PACRGL: variants seen among roughly 807,000 people sequenced by gnomAD.
The protein encoded by PACRGL is parkin coregulated like.
Under a neutral mutation model 34.5 loss-of-function variants are expected in PACRGL, and 38 were observed. That is an observed-to-expected ratio of 1.10 (90% CI 0.85 to 1.44). PACRGL has a LOEUF of 1.44. Ranked by LOEUF, PACRGL falls within the 40% of genes most tolerant of loss-of-function variation. PACRGL has a pLI of 0.00. For missense variants in PACRGL, 305 were observed against 281.4 expected (o/e 1.08, Z -0.60); for synonymous variants, 128 against 100.1 (o/e 1.28, Z -1.66).
intron 8 of PACRGL, among the ~76,000 whole-genome samples, chr4:20,739,027 G>C (rs943892814): frequency 1.3e-5 from 2 of 152,212 alleles, no homozygotes; most frequent in African/African-American, 4.8e-5. Flanking sequence ...CAAGGCAACA[G>C]TGAGGCTGAG....
intron 8 of PACRGL, among the ~76,000 whole-genome samples, chr4:20,726,806 T>C (rs1027101399): frequency 2.0e-5 from 3 of 152,192 alleles, no homozygotes; most frequent in African/African-American, 7.2e-5. Context: ...TGATTTTTTT[T>C]CTAAGTGAAA....
downstream of PACRGL, among the ~76,000 whole-genome samples, chr4:20,736,380 C>G (rs1393168861): frequency 2.0e-5 from 3 of 151,822 alleles, no homozygotes; most frequent in African/African-American, 4.8e-5. Flanking sequence ...ATTTCTGTTG[C>G]TGTTGTAAAT....
downstream of PACRGL, among the ~76,000 whole-genome samples, chr4:20,737,200 C>T (rs1749821875): frequency 6.6e-6 from 1 of 152,092 alleles, no homozygotes; most frequent in Non-Finnish European, 1.5e-5. Flanking sequence ...TTGGCAGGTA[C>T]AGAGAGGAGA....
chr4:20,756,198 T>C (rs1578543738), downstream of PACRGL, among the ~76,000 whole-genome samples: 1 of 150,420 alleles, frequency 6.6e-6, no homozygotes, highest in South Asian at 2.1e-4. Flanking sequence ...GTTGGCAAGG[T>C]CAATGGCAAA....
rs1030139950 is a variant in PACRGL at position 20,709,748 on chromosome 4, A to G, written c.341A>G (p.Asp114Gly). Residue 114 changes from aspartate to glycine, a missense_variant, in exon 5 of 9, where the codon GAT (aspartate) becomes GGT (glycine). By Grantham distance (94) the Asp-to-Gly change is moderately conservative. Transcript: ENST00000503585. ...WECPPESLSFDPLLITLAEGL... is the reference protein window; with the variant it reads ...WECPPESLSFGPLLITLAEGL... ...TGTCCTCCTGAAAGTCTTTCATTTG[A>G]TCCACTTCTTATTACTTTAGCTGAG... The G allele has an allele frequency of 1.9e-6, 3 of 1,606,530 alleles. No individual in the cohort carries two copies. The highest frequency in any genetic ancestry group is 2.6e-6 in the Non-Finnish European group (3 of 1,173,786).
chr4:20,751,042 C>T (rs1753525604), intron 8 of PACRGL, among the ~76,000 whole-genome samples: 1 of 152,176 alleles, frequency 6.6e-6, no homozygotes, highest in Non-Finnish European at 1.5e-5. Flanking sequence ...GGCCTCCTTA[C>T]AGGTTGTTTT....
In PACRGL at chr4:20,704,449, T is replaced by G; in HGVS notation, c.-16-17T>G. On this transcript the variant is annotated splice_polypyrimidine_tract_variant and intron_variant, in intron 1 of 8. Coordinates refer to ENST00000503585, the MANE Select transcript of PACRGL (RefSeq NM_001258345.3). ...CAAACAAATTTTGAAATCAACTTTT[T>G]TTTTTTTAAACTGCAGGAGTGAAAG... is the stretch of plus-strand genomic sequence containing the variant. The G allele has an allele frequency of 6.2e-7, 1 of 1,606,996 alleles. No individual in the cohort carries two copies. Among genetic ancestry groups the G allele is most frequent in the Non-Finnish European group, 8.5e-7 (1 of 1,177,994 alleles).
chr4:20,739,454 G>T (rs1185509377), intron 8 of PACRGL, among the ~76,000 whole-genome samples: 1 of 152,312 alleles, frequency 6.6e-6, no homozygotes, highest in Non-Finnish European at 1.5e-5. Flanking sequence ...GGCAAACAGG[G>T]TCTGGAGTGG....
chr4:20,739,354 T>C (rs952892370), intron 8 of PACRGL, among the ~76,000 whole-genome samples: 3 of 152,112 alleles, frequency 2.0e-5, no homozygotes, highest in African/African-American at 7.2e-5. Flanking sequence ...TGACACCTCA[T>C]ACAGCCAGGT....
chr4:20,714,186 A>G (rs183792935), intron 7 of PACRGL, among the ~76,000 whole-genome samples: 69 of 152,194 alleles, frequency 4.5e-4, no homozygotes, highest in Non-Finnish European at 7.2e-4. Context: ...GTGCTCCTGT[A>G]TTGGGTGCAT....
chr4:20,710,153 A>G (rs1736473985), intron 5 of PACRGL, among the ~76,000 whole-genome samples: 1 of 152,140 alleles, frequency 6.6e-6, no homozygotes. Flanking sequence ...TGTACAACCA[A>G]TCGTGTTGAC....
intron 4 of PACRGL, among the ~76,000 whole-genome samples, chr4:20,708,625 T>C (rs2149074220): frequency 6.6e-6 from 1 of 152,184 alleles, no homozygotes; most frequent in Admixed American, 6.5e-5. Flanking sequence ...CCAAAACTTA[T>C]TGTTGCAAAA....
the PACRGL span, among the ~76,000 whole-genome samples, chr4:20,757,969 C>T: frequency 6.6e-6 from 1 of 152,112 alleles, no homozygotes; most frequent in Non-Finnish European, 1.5e-5. Flanking sequence ...TTTTAACTCC[C>T]ATAATCACAG....
In PACRGL at chr4:20,730,222, C is replaced by T; in HGVS notation, c.*2881C>T. ...CTGAGTATTGCCTCCTCCCATCAAC[C>T]ACCTCAACCACCTATGCCAAAAGCT... On this transcript the variant is annotated 3_prime_UTR_variant, in exon 9 of 9. Coordinates refer to ENST00000503585, the MANE Select transcript of PACRGL (RefSeq NM_001258345.3). The T allele has an allele frequency of 1.4e-6, 2 of 1,397,970 alleles. No individual in the cohort carries two copies. The highest frequency in any genetic ancestry group is 5.1e-5 in the East Asian group (2 of 39,570). The allele number at this position is 1,397,970 out of a possible 1,614,324, so 86.6% of individuals were successfully genotyped here.
At chr4:20,750,667 G>A (rs959599973) in intron 8 of PACRGL, among the ~76,000 whole-genome samples, 2 of 151,604 alleles carry the variant, frequency 1.3e-5, no homozygotes, top group Non-Finnish European at 2.9e-5. Flanking sequence ...ATTGTTTTCT[G>A]TTCTGAGTGC....
chr4:20,709,715 A>C lies in PACRGL; in HGVS notation c.308A>C (p.Gln103Pro). ...LVHGSVKHRL[Q>P]WECPPESLSF... Reference sequence around the variant, plus strand: ...CATGGTTCAGTAAAACACAGATTACAGTGGGAATGTCCTCCTGAAAGTCTT... The same window carrying C: ...CATGGTTCAGTAAAACACAGATTACCGTGGGAATGTCCTCCTGAAAGTCTT... The change falls in exon 5 of 9, where the codon CAG becomes CCG. Residue 103 changes from glutamine to proline, a missense_variant. Gln to Pro is a moderately conservative substitution (Grantham distance 76). Transcript: ENST00000503585. 2 of 1,610,192 alleles carry C rather than the reference A, an allele frequency of 1.2e-6. No homozygotes were observed. Among genetic ancestry groups the C allele is most frequent in the Non-Finnish European group, 1.7e-6 (2 of 1,177,044 alleles).
chr4:20,757,576 A>G (rs1166618260), downstream of PACRGL, among the ~76,000 whole-genome samples: 2 of 152,216 alleles, frequency 1.3e-5, no homozygotes, highest in Admixed American at 6.5e-5. Flanking sequence ...GCAAATGCCC[A>G]TCTTCAGTTC....
In PACRGL at chr4:20,712,811, A is replaced by G. The variant is rs1737945053; in HGVS notation, c.390A>G (p.Pro130=). The change falls in exon 6 of 9, where the codon CCA becomes CCG. Residue 130 remains proline (P), a synonymous_variant. Coordinates refer to ENST00000503585, the MANE Select transcript of PACRGL (RefSeq NM_001258345.3). ...AGGGTCTGAGAGAGACTAAGCATCC[A>G]TACACTTTTGTGTCAAAGGAGGGTT... The part of the protein sequence containing the change: ...LAEGLRETKH[P]YTFVSKEGFR... 6.3e-7 allele frequency: 1 copy of G among 1,590,666 alleles called. No homozygotes were observed. The highest frequency in any genetic ancestry group is 8.6e-7 in the Non-Finnish European group (1 of 1,166,540).
the PACRGL span, among the ~76,000 whole-genome samples, chr4:20,763,752 G>T: frequency 6.6e-6 from 1 of 152,078 alleles, no homozygotes; most frequent in Non-Finnish European, 1.5e-5. Flanking sequence ...GTAAAGATGG[G>T]ATCTCACTAT....
Sources: allele counts gnomAD v4.1 joint callset (sites outside exome capture counted in the v4.1 genomes callset), GRCh38; gene constraint gnomAD v4.1.1; transcripts MANE v1.5; gene names NCBI Gene and HGNC (gene_info 2026-07-23, HGNC 2026-07-21).